ALKBH3: variants seen among roughly 807,000 people sequenced by gnomAD.
ALKBH3 encodes the protein alpha-ketoglutarate-dependent dioxygenase alkB homolog 3.
Under a neutral mutation model 43.9 loss-of-function variants are expected in ALKBH3, and 51 were observed. The ratio of observed to expected loss-of-function variants is 1.16; its 90% confidence interval spans 0.93 to 1.47. ALKBH3 has a LOEUF of 1.47. ALKBH3 is among the 40% of genes most tolerant of loss of function. ALKBH3 has a pLI of 0.00. For synonymous variants in ALKBH3, 102 were observed against 115.2 expected, an observed-to-expected ratio of 0.89 and a Z score of 0.73; for missense variants, 361 against 351.9, an observed-to-expected ratio of 1.03 and a Z score of -0.21.
chr11:43,904,196 G>A (rs188845135), intron 8 of ALKBH3, among the ~76,000 whole-genome samples: 7 of 152,340 alleles, frequency 4.6e-5, no homozygotes, highest in East Asian at 1.9e-4. Flanking sequence ...TCTGCCAGTG[G>A]CAAGGGAATC....
At position 43,901,572 on chromosome 11, in the gene ALKBH3, C is replaced by G. The variant is rs746559356; in HGVS notation, c.516C>G (p.Thr172=). The change falls in exon 8 of 10, where the codon ACC becomes ACG. Residue 172 remains threonine (T), a synonymous_variant. Transcript: ENST00000302708. ...KNRIEENTGH[T]FNSLLCNLYR... ...GCATTGAAGAGAACACTGGCCACAC[C>G]TTCAACTCCTTACTCTGCAATCTTT... The G allele has an allele frequency of 1.9e-6, 3 of 1,614,240 alleles. No individual in the cohort carries two copies. The South Asian group carries it at 3.3e-5, about 18-fold the overall frequency.
intron 7 of ALKBH3, among the ~76,000 whole-genome samples, chr11:43,892,828 C>T (rs1467921017): frequency 6.6e-6 from 1 of 152,102 alleles, no homozygotes; most frequent in Non-Finnish European, 1.5e-5. Context: ...AGAAATGTGA[C>T]ACATTTCAGA....
Position 43,899,456 on chromosome 11 carries a change from A to G in ALKBH3, c.460-2060A>G, listed in dbSNP as rs113469936. On this transcript the variant is annotated intron_variant, in intron 7 of 9. Transcript: ENST00000302708. ...CAAAGTGATAGGCTCCGAGGATTTC[A>G]GAGGTTCCATGACGAGCCTGGAGTC... is the stretch of plus-strand genomic sequence containing the variant. 4.3e-3 allele frequency: 3,062 copies of G among 704,230 alleles called. 15 individuals carry two copies. Among genetic ancestry groups the G allele is most frequent in the Middle Eastern group, 0.012 (45 of 3,678 alleles). The allele number at this position is 704,230 out of a possible 1,614,324, so 43.6% of individuals were successfully genotyped here.
chr11:43,920,186 G>C lies in ALKBH3; in HGVS notation c.*176G>C. On this transcript the variant is annotated 3_prime_UTR_variant, in exon 10 of 10. Coordinates refer to ENST00000302708, the MANE Select transcript of ALKBH3 (RefSeq NM_139178.4). ...AGCCAGCAACTCATGTTGGTAATAG[G>C]TCTACTGTGGGAACAGTTATCCCTA... is the stretch of plus-strand genomic sequence containing the variant. 1 of 594,356 alleles carries C rather than the reference G, an allele frequency of 1.7e-6. No individual in the cohort carries two copies. Among genetic ancestry groups the C allele is most frequent in the Non-Finnish European group, 3.0e-6 (1 of 335,352 alleles). 36.8% of individuals were successfully genotyped at this position (594,356 alleles called of 1,614,324 possible). A position where few individuals can be genotyped will look rare whatever the true frequency, so the allele number is the denominator to read the frequency against.
chr11:43,916,974 A>G (rs1413484289), intron 8 of ALKBH3: 1 of 152,218 alleles, frequency 6.6e-6, no homozygotes, highest in Non-Finnish European at 1.5e-5. Context: ...GGAATAAATA[A>G]CAAGCAGCAA....
intron 7 of ALKBH3, among the ~76,000 whole-genome samples, chr11:43,894,253 C>T (rs916881301): frequency 6.6e-6 from 1 of 152,204 alleles, no homozygotes; most frequent in Non-Finnish European, 1.5e-5. Flanking sequence ...CCTTTCTTCT[C>T]CTGTAGACCC....
At chr11:43,885,758 G>A (rs1163110456) in intron 4 of ALKBH3, among the ~76,000 whole-genome samples, 1 of 152,182 alleles carries the variant, frequency 6.6e-6, no homozygotes, top group Non-Finnish European at 1.5e-5. Flanking sequence ...GGACCCCACA[G>A]TCTATAAAAT....
At chr11:43,899,469 C>T (rs1285197861) in intron 7 of ALKBH3, 24 of 702,268 alleles carry the variant, frequency 3.4e-5, no homozygotes, top group East Asian at 2.0e-4. Flanking sequence ...GGTTCCATGA[C>T]GAGCCTGGAG....
At chr11:43,884,847 G>T (rs1029448772) in intron 4 of ALKBH3, among the ~76,000 whole-genome samples, 2 of 152,096 alleles carry the variant, frequency 1.3e-5, no homozygotes, top group Admixed American at 1.3e-4. Flanking sequence ...CATCTTCTGG[G>T]CTCAAGTGAT....
chr11:43,895,573 A>C (rs887683836), intron 7 of ALKBH3, among the ~76,000 whole-genome samples: 1 of 152,256 alleles, frequency 6.6e-6, no homozygotes, highest in Admixed American at 6.5e-5. Flanking sequence ...TGCAATAGAC[A>C]TTCAAGGAGT....
chr11:43,897,335 C>T (rs765296653), intron 7 of ALKBH3: 7 of 645,052 alleles, frequency 1.1e-5, no homozygotes, highest in Non-Finnish European at 2.0e-5. Context: ...ACTTTGGGCT[C>T]CTTGAGAATA....
At chr11:43,915,926 C>T (rs1023511221) in intron 8 of ALKBH3, among the ~76,000 whole-genome samples, 5 of 152,192 alleles carry the variant, frequency 3.3e-5, no homozygotes, top group South Asian at 2.1e-4. Context: ...AGGAAGACCA[C>T]ATAAACTTTC....
At chr11:43,890,215 A>G (rs1206519960) in intron 6 of ALKBH3, among the ~76,000 whole-genome samples, 2 of 152,094 alleles carry the variant, frequency 1.3e-5, no homozygotes, top group African/African-American at 2.4e-5. Context: ...CCTATTTTGC[A>G]TACATTCTTT....
rs563039343 is a variant in ALKBH3 at position 43,905,915 on chromosome 11, C to G, written c.669+4190C>G. On this transcript the variant is annotated intron_variant, in intron 8 of 9. Coordinates refer to ENST00000302708, the MANE Select transcript of ALKBH3 (RefSeq NM_139178.4). The stretch of plus-strand genomic sequence containing the variant: ...AGCCATTTGGCAGGCTGCTATTTCT[C>G]TGTCGGTTACCATGGAAACAGTGAT... Among the ~76,000 whole-genome samples the G allele has an allele frequency of 7.9e-5, 12 of 152,298 alleles. No individual in the cohort carries two copies. In the South Asian group the frequency reaches 2.3e-3, roughly 29 times the overall value.
At chr11:43,898,715 T>G (rs1419505371) in intron 7 of ALKBH3, 1 of 715,546 alleles carries the variant, frequency 1.4e-6, no homozygotes, top group Non-Finnish European at 2.6e-6. Context: ...CCTAAGAGAC[T>G]GGGCCGACTT....
intron 8 of ALKBH3, among the ~76,000 whole-genome samples, chr11:43,913,723 C>T (rs1042435056): frequency 2.6e-5 from 4 of 152,184 alleles, no homozygotes; most frequent in South Asian, 2.1e-4. Context: ...CGGTCTTAGA[C>T]GCTTACAAGT....
chr11:43,902,071 T>G (rs1951867712), intron 8 of ALKBH3, among the ~76,000 whole-genome samples: 1 of 152,150 alleles, frequency 6.6e-6, no homozygotes, highest in South Asian at 2.1e-4. Context: ...AAGGAAAGCC[T>G]TAGAAGAATG....
intron 3 of ALKBH3, among the ~76,000 whole-genome samples, 165 bp from the exon 4 acceptor site, chr11:43,883,818 T>C (rs1374566528): frequency 1.3e-5 from 2 of 152,202 alleles, no homozygotes; most frequent in Non-Finnish European, 2.9e-5. Flanking sequence ...GTGAAGTAGT[T>C]TTAAGAAGAG....
Position 43,901,630 on chromosome 11 carries a change from A to G in ALKBH3, c.574A>G (p.Ser192Gly). 1.2e-6 allele frequency: 2 copies of G among 1,614,266 alleles called. No individual in the cohort carries two copies. The highest frequency in any genetic ancestry group is 1.7e-6 in the Non-Finnish European group (2 of 1,180,050). ...TGAGAAGGACAGCGTGGACTGGCAC[A>G]GTGATGATGAACCCTCACTAGGGAG... is the stretch of plus-strand genomic sequence containing the variant. ...RNEKDSVDWH[S>G]DDEPSLGRCP... The change falls in exon 8 of 10, where the codon AGT (serine) becomes GGT (glycine). Residue 192 changes from serine (S) to glycine (G), a missense_variant. Coordinates refer to ENST00000302708, the MANE Select transcript of ALKBH3 (RefSeq NM_139178.4).
Sources: allele counts gnomAD v4.1 joint callset (sites outside exome capture counted in the v4.1 genomes callset), GRCh38; gene constraint gnomAD v4.1.1; transcripts MANE v1.5; gene names NCBI Gene and HGNC (gene_info 2026-07-23, HGNC 2026-07-21).